The following ING3 variants were observed in gnomAD, a reference collection of about 807,000 sequenced individuals.
ING3 encodes inhibitor of growth protein 3.
ING3 carries 6 observed loss-of-function variants against 64.8 expected under a neutral mutation model. The ratio of observed to expected loss-of-function variants is 0.09; its 90% CI spans 0.05 to 0.18. The LOEUF (loss-of-function observed/expected upper bound fraction) is 0.18, where lower values mean the gene tolerates loss of function less well. Ranked by LOEUF, ING3 falls within the 10% of genes least tolerant of loss-of-function variation. The pLI, the probability that ING3 is intolerant of heterozygous loss-of-function variation, is 1.00. For missense variants in ING3, 310 were observed against 489.7 expected, an observed-to-expected ratio of 0.63 and a Z score of 3.46; for synonymous variants, 170 against 173.7, an observed-to-expected ratio of 0.98 and a Z score of 0.17.
chr7:120,964,904 T>C, intron 5 of ING3, 66 bp downstream of exon 5: 3 of 1,290,414 alleles, frequency 2.3e-6, no homozygotes, highest in Non-Finnish European at 3.4e-6. Flanking sequence ...GAGAAGACCT[T>C]GTCCCACAGA....
intron 10 of ING3, among the ~76,000 whole-genome samples, chr7:120,971,167 G>A (rs1172549576): frequency 6.6e-6 from 1 of 152,148 alleles, no homozygotes; most frequent in Admixed American, 6.5e-5. Context: ...ACAACAGACT[G>A]GGTAGCTTAA....
chr7:120,964,488 AG>A (rs1562975413), intron 4 of ING3, among the ~76,000 whole-genome samples: 1 of 152,152 alleles, frequency 6.6e-6, no homozygotes, highest in Non-Finnish European at 1.5e-5. Flanking sequence ...CTGAAAATGG[AG>A]TATAGAACAT....
intron 4 of ING3, among the ~76,000 whole-genome samples, chr7:120,961,810 A>G (rs1795937182): frequency 6.6e-6 from 1 of 152,188 alleles, no homozygotes; most frequent in Admixed American, 6.5e-5. Context: ...AGGGCAAGGA[A>G]ACTTTGTTTA....
Position 120,975,058 on chromosome 7 carries a change from A to G in ING3, c.*214A>G, listed in dbSNP as rs961551666. ...TTTATGCACTCCTGGTGTGCTATGAATATTATTCCAGTTAGCCTTGGATTA... is the reference window on the plus strand; with the variant it reads ...TTTATGCACTCCTGGTGTGCTATGAGTATTATTCCAGTTAGCCTTGGATTA... On this transcript the variant is annotated 3_prime_UTR_variant, in exon 12 of 12. Coordinates refer to ENST00000315870, the MANE Select transcript of ING3 (RefSeq NM_019071.3). The G allele has an allele frequency of 3.3e-5, 9 of 275,240 alleles. No homozygotes were observed. The allele number at this position is 275,240 out of a possible 1,614,324, so 17.0% of individuals were successfully genotyped here.
chr7:120,970,658 A>G (rs1334684719), intron 9 of ING3, 30 bp from the exon 10 acceptor site: 1 of 1,609,194 alleles, frequency 6.2e-7, no homozygotes. Flanking sequence ...CTGGATGGTG[A>G]GCAAATAAAA....
intron 4 of ING3, among the ~76,000 whole-genome samples, chr7:120,964,044 A>G (rs2721351): frequency 0.28 from 43,052 of 151,992 alleles, 7,556 homozygotes; most frequent in African/African-American, 0.49. Flanking sequence ...GTTAGTTTGA[A>G]GTGTCATATA....
At chr7:120,966,541 G>A in intron 5 of ING3, 85 bp from the exon 6 acceptor site, 1 of 985,212 alleles carries the variant, frequency 1.0e-6, no homozygotes, top group East Asian at 2.4e-5. Flanking sequence ...CTGGGTAAGG[G>A]AACTCATTGC....
intron 8 of ING3, among the ~76,000 whole-genome samples, chr7:120,968,709 C>T (rs1282013871): frequency 6.6e-6 from 1 of 151,252 alleles, no homozygotes; most frequent in East Asian, 1.9e-4. Context: ...TAGCTGGGTG[C>T]CTGGTGGGTG....
rs79564390 is a variant in ING3 at position 120,965,255 on chromosome 7, A to G, written c.364+417A>G. 6.6e-3 allele frequency among the ~76,000 whole-genome samples: 1,008 copies of G among 152,284 alleles called. 8 individuals are homozygous for G. Among genetic ancestry groups the G allele is most frequent in the African/African-American group, 0.023 (955 of 41,556 alleles). ...CTTTATGGCTTTTCCTTAACTGCAT[A>G]TACTGAAAAAGACTCACATTGGTTT... On this transcript the variant is annotated intron_variant, in intron 5 of 11. Transcript: ENST00000315870.
rs895765086 is a variant in ING3, at chr7:120,975,756, G to C, written c.*912G>C. On this transcript the variant is annotated 3_prime_UTR_variant, in exon 12 of 12. Coordinates refer to ENST00000315870, the MANE Select transcript of ING3 (RefSeq NM_019071.3). ...AAAAGAATCAGAGACCCAGGACACA[G>C]AATACTGTGTAATCTGTGATGTCTT... 6.6e-6 allele frequency: 1 copy of C among 152,134 alleles called. No homozygotes were observed. The highest frequency in any genetic ancestry group is 1.9e-4 in the East Asian group (1 of 5,200). 9.4% of individuals were successfully genotyped at this position (152,134 alleles called of 1,614,324 possible).
At position 120,966,661 on chromosome 7, in the gene ING3, A is replaced by T; in HGVS notation, c.400A>T (p.Asn134Tyr). Residue 134 changes from asparagine (N) to tyrosine (Y), a missense_variant, in exon 6 of 12, where the codon AAC (asparagine) becomes TAC (tyrosine). Around this residue, in one of 3 missense-constraint regions of ING3, gnomAD observed 233 missense variants for 289.4 expected, o/e 0.81. Transcript: ENST00000315870. The part of the protein sequence containing the change: ...LELDTPSQPV[N>Y]NHHAHSHTPV... Reference sequence around the variant, plus strand: ...ATTAGACACTCCTTCACAGCCAGTGAACAATCACCATGCTCATTCACATAC... The same window carrying T: ...ATTAGACACTCCTTCACAGCCAGTGTACAATCACCATGCTCATTCACATAC... The T allele has an allele frequency of 6.2e-7, 1 of 1,613,830 alleles. No homozygotes were observed. Among genetic ancestry groups the T allele is most frequent in the Non-Finnish European group, 8.5e-7 (1 of 1,179,708 alleles).
intron 2 of ING3, 103 bp downstream of exon 2, chr7:120,951,338 C>T (rs1417019531): frequency 1.8e-6 from 2 of 1,099,914 alleles, no homozygotes; most frequent in East Asian, 2.4e-5. Flanking sequence ...TCCTCTGGCT[C>T]ACTCCGCTAG....
At chr7:120,973,084 T>C (rs1796090287) in intron 10 of ING3, 121 bp from the exon 11 acceptor site, 1 of 422,048 alleles carries the variant, frequency 2.4e-6, no homozygotes. Context: ...TGATTCTCAA[T>C]GTAATTGTAT....
At position 120,974,796 on chromosome 7, in the gene ING3, T is replaced by C. The variant is rs780989489; in HGVS notation, c.1209T>C (p.Cys403=). ...LTEAPKGKWY[C]PQCTAAMKRR... ...AGGCACCAAAAGGCAAATGGTACTGTCCACAGTGCACTGCTGCAATGAAGA... is the reference window on the plus strand; with the variant it reads ...AGGCACCAAAAGGCAAATGGTACTGCCCACAGTGCACTGCTGCAATGAAGA... The change falls in exon 12 of 12, where the codon TGT becomes TGC. Residue 403 remains cysteine (C), a synonymous_variant. Transcript: ENST00000315870. 6.2e-7 allele frequency: 1 copy of C among 1,612,980 alleles called. No individual in the cohort carries two copies. The highest frequency in any genetic ancestry group is 8.5e-7 in the Non-Finnish European group (1 of 1,179,148).
intron 6 of ING3, among the ~76,000 whole-genome samples, chr7:120,967,287 A>G (rs1796008728): frequency 6.6e-6 from 1 of 152,180 alleles, no homozygotes; most frequent in Non-Finnish European, 1.5e-5. Context: ...ATGTGAGCCC[A>G]TGGTGTATCT....
At chr7:120,965,214 CT>C (rs1795981642) in intron 5 of ING3, among the ~76,000 whole-genome samples, 1 of 152,150 alleles carries the variant, frequency 6.6e-6, no homozygotes, top group African/African-American at 2.4e-5. Context: ...TTGTTAGTTT[CT>C]CTTCTTAAGA....
rs113309372 is a variant in ING3 at position 120,956,484 on chromosome 7, G to A, written c.267+860G>A. On this transcript the variant is annotated intron_variant, in intron 4 of 11. Transcript: ENST00000315870. ...GTGAACACCACATATGGTGTGAATT[G>A]TAAATGCTTATACCACAAACTTGAA... is the stretch of plus-strand genomic sequence containing the variant. The A allele has an allele frequency of 9.6e-4, 1,051 of 1,094,296 alleles. 7 individuals carry two copies. The African/African-American group carries it at 0.015, about 16-fold the overall frequency. 67.8% of individuals were successfully genotyped at this position (1,094,296 alleles called of 1,614,324 possible).
chr7:120,960,760 A>G (rs966054477), intron 4 of ING3, among the ~76,000 whole-genome samples: 7 of 152,196 alleles, frequency 4.6e-5, no homozygotes, highest in African/African-American at 1.7e-4. Context: ...GTGAAATTTG[A>G]CTAACACACA....
chr7:120,967,441 G>A, intron 6 of ING3, 88 bp from the exon 7 acceptor site: 1 of 944,156 alleles, frequency 1.1e-6, no homozygotes, highest in Non-Finnish European at 1.5e-6. Context: ...AGATCATACT[G>A]TTTCACATTT....
Sources: allele counts gnomAD v4.1 joint callset (sites outside exome capture counted in the v4.1 genomes callset), GRCh38; gene constraint gnomAD v4.1.1; regional missense constraint gnomAD v4.1.1; transcripts MANE v1.5; gene names NCBI Gene and HGNC (gene_info 2026-07-23, HGNC 2026-07-21).